The following ASAP1 variants were observed in gnomAD, a reference collection of about 807,000 sequenced individuals.
The protein encoded by ASAP1 is ArfGAP with SH3 domain, ankyrin repeat and PH domain 1, also known as arf-GAP with SH3 domain, ANK repeat and PH domain-containing protein 1.
A neutral mutation model predicts 145.2 loss-of-function variants in ASAP1; 43 were observed. The observed-to-expected ratio is 0.30, with a 90% confidence interval of 0.23 to 0.38. The LOEUF is 0.38. ASAP1 is among the 10% of genes least tolerant of loss of function. The pLI is 1.00. For missense variants in ASAP1, 1,018 were observed against 1,355.3 expected, an observed-to-expected ratio of 0.75 and a Z score of 3.91; for synonymous variants, 546 against 515.5, an observed-to-expected ratio of 1.06 and a Z score of -0.80.
intron 3 of ASAP1, among the ~76,000 whole-genome samples, chr8:130,240,314 A>T (rs566465685): frequency 6.6e-6 from 1 of 151,828 alleles, no homozygotes; most frequent in African/African-American, 2.4e-5. Flanking sequence ...CTTTTTTTTT[A>T]AGCTTGAGTG....
At chr8:130,440,831 G>A (rs1830465056) in intron 1 of ASAP1, among the ~76,000 whole-genome samples, 3 of 152,200 alleles carry the variant, frequency 2.0e-5, no homozygotes, top group Admixed American at 1.3e-4. Flanking sequence ...ATCTCAGAAA[G>A]GCTTTCCCTT....
chr8:130,378,513 G>A (rs1281440206), intron 2 of ASAP1, among the ~76,000 whole-genome samples: 7 of 152,234 alleles, frequency 4.6e-5, no homozygotes, highest in Non-Finnish European at 8.8e-5. Context: ...GTGGAGTGGT[G>A]CAAATAGCTC....
intron 3 of ASAP1, among the ~76,000 whole-genome samples, chr8:130,243,922 G>T (rs958328809): frequency 2.0e-5 from 3 of 152,142 alleles, no homozygotes; most frequent in African/African-American, 7.2e-5. Context: ...CTCAAAGAAG[G>T]TGGTGCTATC....
intron 3 of ASAP1, among the ~76,000 whole-genome samples, chr8:130,301,389 T>C (rs924445364): frequency 6.6e-6 from 1 of 152,218 alleles, no homozygotes; most frequent in African/African-American, 2.4e-5. Flanking sequence ...GCTCCTTCTG[T>C]TACCTAGTAG....
chr8:130,140,559 A>G (rs2097608156), intron 13 of ASAP1, among the ~76,000 whole-genome samples: 1 of 152,090 alleles, frequency 6.6e-6, no homozygotes, highest in Non-Finnish European at 1.5e-5. Context: ...GGACTATTTC[A>G]AAGTATTTTG....
At chr8:130,199,618 C>T (rs922213873) in intron 5 of ASAP1, among the ~76,000 whole-genome samples, 1 of 152,198 alleles carries the variant, frequency 6.6e-6, no homozygotes, top group Admixed American at 6.5e-5. Flanking sequence ...GATGTTTAGG[C>T]AGGTCACTTT....
intron 18 of ASAP1, among the ~76,000 whole-genome samples, chr8:130,121,013 A>G (rs919417586): frequency 1.3e-5 from 2 of 152,120 alleles, no homozygotes; most frequent in Non-Finnish European, 2.9e-5. Flanking sequence ...GCTACTATCT[A>G]TTTACCTAGA....
intron 24 of ASAP1, among the ~76,000 whole-genome samples, chr8:130,096,884 G>T (rs1397468569): frequency 1.3e-5 from 2 of 152,050 alleles, no homozygotes; most frequent in African/African-American, 4.8e-5. Flanking sequence ...CCAGCACTTT[G>T]GGAGGCCGAG....
At chr8:130,357,966 T>G (rs1826440125) in intron 3 of ASAP1, 51 bp downstream of exon 3, 2 of 1,557,208 alleles carry the variant, frequency 1.3e-6, no homozygotes, top group Non-Finnish European at 1.7e-6. Context: ...ATCCTCCAGC[T>G]GCGCGGCGGC....
chr8:130,070,894 AGAGAGGGAGGGAGAGAGAGGGG>A (rs2097443132), intron 27 of ASAP1, among the ~76,000 whole-genome samples: 2 of 36,622 alleles, frequency 5.5e-5, no homozygotes, highest in East Asian at 1.2e-3. Flanking sequence ...GGAGAGAGGG[AGAGAGGGAGGGAGAGAGAGGGG>A]GAGAGAGAGG....
rs1826452483 is a variant in ASAP1 at position 130,358,077 on chromosome 8, G to C, written c.126C>G (p.Thr42=). The C allele has an allele frequency of 1.2e-6, 2 of 1,611,264 alleles. No individual in the cohort carries two copies. Among genetic ancestry groups the C allele is most frequent in the South Asian group, 1.1e-5 (1 of 90,570 alleles). The change falls in exon 3 of 30, where the codon ACC becomes ACG. Residue 42 remains threonine (T), a synonymous_variant. Coordinates refer to ENST00000518721, the MANE Select transcript of ASAP1 (RefSeq NM_018482.4). The surrounding 1 kb of genome is among the most constrained non-coding windows in gnomAD (Gnocchi z 4.1). ...AETTEDYNSP[T]TSSFTTRLHN... ...GCAGCCGCGTGGTGAAGCTGGACGT[G>C]GTGGGCGAGTTGTAGTCCTCGGTGG...
At chr8:130,162,817 C>CA (rs202186430) in intron 11 of ASAP1, among the ~76,000 whole-genome samples, 44,617 of 122,938 alleles carry the variant, frequency 0.36, 7,643 homozygotes, top group East Asian at 0.67. Context: ...GACTCCGTCT[C>CA]AAAAAAAAAA....
At chr8:130,293,080 G>GA (rs1465386343) in intron 3 of ASAP1, among the ~76,000 whole-genome samples, 1 of 152,182 alleles carries the variant, frequency 6.6e-6, no homozygotes, top group Non-Finnish European at 1.5e-5. Flanking sequence ...ACATTCAAAT[G>GA]ACTCCAGAAA....
intron 3 of ASAP1, among the ~76,000 whole-genome samples, chr8:130,331,074 C>T (rs1824657891): frequency 6.6e-6 from 1 of 152,114 alleles, no homozygotes; most frequent in Admixed American, 6.6e-5. Context: ...GATTACTTCC[C>T]AAGCAGATGG....
chr8:130,107,003 A>C (rs761548965), intron 24 of ASAP1, among the ~76,000 whole-genome samples: 2 of 152,150 alleles, frequency 1.3e-5, no homozygotes, highest in Non-Finnish European at 2.9e-5. Flanking sequence ...CTGAATGCTC[A>C]CTACGTGCCA....
intron 1 of ASAP1, among the ~76,000 whole-genome samples, chr8:130,418,652 C>T (rs1233917102): frequency 1.3e-5 from 2 of 151,964 alleles, no homozygotes; most frequent in Non-Finnish European, 2.9e-5. Context: ...AACCCCGAAC[C>T]CATAAGCAGT....
At chr8:130,244,496 C>T (rs1362188798) in intron 3 of ASAP1, among the ~76,000 whole-genome samples, 2 of 152,056 alleles carry the variant, frequency 1.3e-5, no homozygotes, top group East Asian at 1.9e-4. Context: ...AGTGGAGTGG[C>T]CACAAATGAA....
chr8:130,207,045 A>G (rs1816272226), intron 5 of ASAP1, among the ~76,000 whole-genome samples: 1 of 152,240 alleles, frequency 6.6e-6, no homozygotes, highest in Admixed American at 6.5e-5. Flanking sequence ...AACATATAAC[A>G]AAACCACTTA....
chr8:130,384,408 T>A (rs1236338224), intron 2 of ASAP1, among the ~76,000 whole-genome samples: 1 of 152,128 alleles, frequency 6.6e-6, no homozygotes, highest in Non-Finnish European at 1.5e-5. Context: ...CTCTTCTTAC[T>A]CAGAGAACCC....
Sources: allele counts gnomAD v4.1 joint callset (sites outside exome capture counted in the v4.1 genomes callset), GRCh38; gene constraint gnomAD v4.1.1; non-coding constraint Gnocchi (gnomAD v3.1); transcripts MANE v1.5; gene names NCBI Gene and HGNC (gene_info 2026-07-23, HGNC 2026-07-21).